Variants in MRAS observed in about 807,000 individuals in gnomAD.
The protein encoded by MRAS is ras-related protein M-Ras.
In MRAS, 4 loss-of-function variants were observed where a neutral mutation model predicts 20.9. That is an observed-to-expected ratio of 0.19 (90% CI 0.09 to 0.44). The LOEUF (loss-of-function observed/expected upper bound fraction) is 0.44, where lower values mean the gene tolerates loss of function less well. MRAS is among the 20% of genes least tolerant of loss of function. The pLI, the probability that MRAS is intolerant of heterozygous loss-of-function variation, is 0.99. For synonymous variants in MRAS, 98 were observed against 102.9 expected (o/e 0.95, Z 0.29); for missense variants, 154 against 277.5 (o/e 0.56, Z 3.16).
chr3:138,376,517 T>A (rs1426065205), intron 2 of MRAS, among the ~76,000 whole-genome samples: 1 of 152,234 alleles, frequency 6.6e-6, no homozygotes, highest in Admixed American at 6.5e-5. Flanking sequence ...ATTTGTGGAA[T>A]GACCAAATGA....
At chr3:138,371,543 A>G (rs1053268075) in intron 1 of MRAS, among the ~76,000 whole-genome samples, 2 of 152,172 alleles carry the variant, frequency 1.3e-5, no homozygotes, top group South Asian at 2.1e-4. Flanking sequence ...CTGTGAGACC[A>G]TCGGTTTCCC....
intron 1 of MRAS, among the ~76,000 whole-genome samples, chr3:138,359,322 G>A (rs777221706): frequency 2.6e-5 from 4 of 152,210 alleles, no homozygotes; most frequent in Non-Finnish European, 4.4e-5. Flanking sequence ...TTCTTCCTCC[G>A]CATCTGCTTC....
intron 3 of MRAS, 149 bp downstream of exon 3, chr3:138,397,626 T>C (rs935436168): frequency 2.1e-6 from 2 of 973,902 alleles, no homozygotes; most frequent in Non-Finnish European, 2.9e-6. Context: ...AATTAAATCA[T>C]TTGAAATCTG....
At chr3:138,379,512 C>T (rs1053859037) in intron 2 of MRAS, among the ~76,000 whole-genome samples, 4 of 152,076 alleles carry the variant, frequency 2.6e-5, no homozygotes, top group Admixed American at 1.3e-4. Flanking sequence ...CACCTGCCAA[C>T]ACGCTCGGCT....
chr3:138,364,810 A>G (rs2054527854), intron 1 of MRAS, among the ~76,000 whole-genome samples: 1 of 152,202 alleles, frequency 6.6e-6, no homozygotes. Flanking sequence ...TTTGGTAACT[A>G]GCATTTGCCC....
chr3:138,398,648 T>C lies in MRAS; in HGVS notation c.447+80T>C. 12 of 1,279,314 alleles carry C rather than the reference T, an allele frequency of 9.4e-6. No homozygotes were observed. In the South Asian group the frequency reaches 1.4e-4, roughly 15 times the overall value. 79.2% of individuals were successfully genotyped at this position (1,279,314 alleles called of 1,614,324 possible). On this transcript the variant is annotated intron_variant, in intron 4 of 5. Coordinates refer to ENST00000423968, the MANE Select transcript of MRAS (RefSeq NM_001085049.3). ...TGGTCACCCCTGCAGTCCTGGTCTT[T>C]GGAAATGAAACTACTGTTTATTGAA...
At chr3:138,375,124 C>T (rs2054756928) in intron 2 of MRAS, among the ~76,000 whole-genome samples, 1 of 152,154 alleles carries the variant, frequency 6.6e-6, no homozygotes, top group South Asian at 2.1e-4. Context: ...TGGCTTCAAG[C>T]AATCCTTCCA....
intron 2 of MRAS, among the ~76,000 whole-genome samples, chr3:138,379,914 A>G (rs935022084): frequency 3.9e-5 from 6 of 152,188 alleles, no homozygotes; most frequent in African/African-American, 1.2e-4. Context: ...ACCATTTTCC[A>G]TAGTGGCTAT....
intron 2 of MRAS, among the ~76,000 whole-genome samples, chr3:138,373,338 T>G (rs145731517): frequency 6.6e-6 from 1 of 152,366 alleles, no homozygotes; most frequent in Non-Finnish European, 1.5e-5. Context: ...ATGTCATGTG[T>G]GTTTTTTCTT....
At position 138,402,368 on chromosome 3, in the gene MRAS, G is replaced by A; in HGVS notation, c.*99G>A. 1 of 1,062,848 alleles carries A rather than the reference G, an allele frequency of 9.4e-7. No individual in the cohort carries two copies. Among genetic ancestry groups the A allele is most frequent in the Non-Finnish European group, 1.4e-6 (1 of 716,596 alleles). The allele number at this position is 1,062,848 out of a possible 1,614,324, so 65.8% of individuals were successfully genotyped here. ...AAACCATTTCTAACCACAACCCTTGGCCCAAGGACTTGGTACAGGAAGGGA... is the reference window on the plus strand; with the variant it reads ...AAACCATTTCTAACCACAACCCTTGACCCAAGGACTTGGTACAGGAAGGGA... On this transcript the variant is annotated 3_prime_UTR_variant, in exon 6 of 6. Transcript: ENST00000423968.
chr3:138,360,204 A>C (rs1262049649), intron 1 of MRAS, among the ~76,000 whole-genome samples: 3 of 152,160 alleles, frequency 2.0e-5, no homozygotes, highest in Admixed American at 6.5e-5. Context: ...CTGCTACTGC[A>C]GGGCAAAGCA....
intron 2 of MRAS, among the ~76,000 whole-genome samples, chr3:138,387,608 G>T (rs2055043811): frequency 6.6e-6 from 1 of 152,190 alleles, no homozygotes. Flanking sequence ...GTGGAAGTGG[G>T]ATTATAGGCC....
chr3:138,362,218 A>G (rs1008086971), intron 1 of MRAS, among the ~76,000 whole-genome samples: 1 of 152,136 alleles, frequency 6.6e-6, no homozygotes, highest in Non-Finnish European at 1.5e-5. Context: ...CGGTTCTGAG[A>G]GCCGCTTAGA....
intron 2 of MRAS, among the ~76,000 whole-genome samples, chr3:138,393,004 G>A (rs1026331078): frequency 2.0e-5 from 3 of 152,158 alleles, no homozygotes; most frequent in East Asian, 1.9e-4. Flanking sequence ...TTTTACTTCC[G>A]TTCTTCTATT....
intron 2 of MRAS, among the ~76,000 whole-genome samples, chr3:138,392,007 G>A (rs749871678): frequency 2.9e-4 from 44 of 152,088 alleles, no homozygotes; most frequent in Non-Finnish European, 5.4e-4. Context: ...GCATGGTAGC[G>A]CATGCCTGTA....
chr3:138,389,022 A>G (rs190169374), intron 2 of MRAS, among the ~76,000 whole-genome samples: 38 of 151,918 alleles, frequency 2.5e-4, no homozygotes, highest in African/African-American at 9.2e-4. Flanking sequence ...TTGTATTTTT[A>G]GTAGAGACTG....
At chr3:138,365,503 T>C (rs1354931327) in intron 1 of MRAS, among the ~76,000 whole-genome samples, 1 of 152,246 alleles carries the variant, frequency 6.6e-6, no homozygotes, top group Non-Finnish European at 1.5e-5. Flanking sequence ...TCTGGACTTC[T>C]GTCTGATCAT....
chr3:138,399,761 C>T (rs550835935), intron 4 of MRAS, among the ~76,000 whole-genome samples: 157 of 152,354 alleles, frequency 1.0e-3, no homozygotes, highest in African/African-American at 3.6e-3. Context: ...GGAATGAACA[C>T]TTCCTGCCTT....
intron 1 of MRAS, chr3:138,349,133 C>T (rs1445622271): frequency 2.6e-5 from 4 of 151,644 alleles, no homozygotes; most frequent in African/African-American, 9.7e-5. Context: ...GACTCTTTAC[C>T]CCCCCGCCTT....
Sources: gnomAD v4.1 joint callset for allele counts (sites outside exome capture counted in the v4.1 genomes callset) on GRCh38, gnomAD v4.1.1 for gene constraint, MANE v1.5 for transcripts, NCBI Gene and HGNC (gene_info 2026-07-23, HGNC 2026-07-21) for gene names.